The following AGBL4 variants were observed in gnomAD, a reference collection of about 807,000 sequenced individuals.
AGBL4 encodes AGBL carboxypeptidase 4.
In AGBL4, 58 loss-of-function variants were observed where a neutral mutation model predicts 66.4. The observed-to-expected ratio is 0.87, with a 90% CI of 0.71 to 1.09. The LOEUF (loss-of-function observed/expected upper bound fraction) is 1.09, where lower values mean the gene tolerates loss of function less well. Among genes scored for constraint, AGBL4 ranks in the 50% least tolerant of loss-of-function variants. AGBL4 has a pLI of 0.00. For missense variants in AGBL4, 579 were observed against 631.0 expected (o/e 0.92, Z 0.88); for synonymous variants, 234 against 222.9 (o/e 1.05, Z -0.44).
chr1:49,912,323 T>C (rs539502942), intron 1 of AGBL4, among the ~76,000 whole-genome samples: 2 of 152,302 alleles, frequency 1.3e-5, no homozygotes. Flanking sequence ...TCCACTGCAG[T>C]TGGGGAGCTA....
chr1:49,706,646 C>T (rs1052421689), intron 2 of AGBL4, among the ~76,000 whole-genome samples: 6 of 151,982 alleles, frequency 3.9e-5, no homozygotes, highest in East Asian at 1.9e-4. Context: ...GTTAGGGTGT[C>T]GATTTCAGAT....
intron 1 of AGBL4, among the ~76,000 whole-genome samples, chr1:49,978,876 C>T (rs777760839): frequency 3.3e-5 from 5 of 152,012 alleles, no homozygotes; most frequent in Non-Finnish European, 2.9e-5. Flanking sequence ...CACATGTGAG[C>T]CATTAGAAAG....
At chr1:49,509,684 A>C (rs892414761) in intron 3 of AGBL4, among the ~76,000 whole-genome samples, 1 of 152,018 alleles carries the variant, frequency 6.6e-6, no homozygotes, top group Non-Finnish European at 1.5e-5. Flanking sequence ...TTAAGAGCTT[A>C]GAATTCATAG....
chr1:48,791,859 C>CA (rs889349475), intron 6 of AGBL4, among the ~76,000 whole-genome samples: 19 of 152,180 alleles, frequency 1.2e-4, no homozygotes, highest in African/African-American at 4.6e-4. Context: ...GTCAATCATT[C>CA]AAAAAACATT....
intron 2 of AGBL4, among the ~76,000 whole-genome samples, chr1:49,736,454 A>C (rs531817825): frequency 6.6e-6 from 1 of 152,268 alleles, no homozygotes; most frequent in Admixed American, 6.5e-5. Context: ...AAATTCAAAA[A>C]TCCATGGAAA....
chr1:49,153,110 G>A (rs1646369335), intron 4 of AGBL4, among the ~76,000 whole-genome samples: 1 of 152,028 alleles, frequency 6.6e-6, no homozygotes, highest in African/African-American at 2.4e-5. Context: ...GATACCACCT[G>A]GATTCTCCAC....
intron 2 of AGBL4, among the ~76,000 whole-genome samples, chr1:49,828,136 AC>A (rs990617850): frequency 5.9e-5 from 9 of 152,174 alleles, no homozygotes; most frequent in African/African-American, 1.9e-4. Flanking sequence ...AAAAAAAAAA[AC>A]AACTCATTAC....
At chr1:49,022,822 G>T (rs1386920083) in intron 5 of AGBL4, among the ~76,000 whole-genome samples, 1 of 152,176 alleles carries the variant, frequency 6.6e-6, no homozygotes, top group African/African-American at 2.4e-5. Flanking sequence ...AATACCTACT[G>T]TGTACCAGCA....
At chr1:48,963,501 C>CT (rs1170684735) in intron 5 of AGBL4, among the ~76,000 whole-genome samples, 2,084 of 143,964 alleles carry the variant, frequency 0.014, 16 homozygotes, top group Middle Eastern at 0.058. Context: ...TAGAATTCAT[C>CT]TTTTTTTTTT....
intron 1 of AGBL4, among the ~76,000 whole-genome samples, chr1:49,941,054 T>C (rs899162442): frequency 1.3e-5 from 2 of 151,994 alleles, no homozygotes; most frequent in African/African-American, 4.8e-5. Context: ...AGCCAACAAA[T>C]TGGATAATGT....
At chr1:49,700,098 G>C (rs2124623818) in intron 2 of AGBL4, among the ~76,000 whole-genome samples, 1 of 151,534 alleles carries the variant, frequency 6.6e-6, no homozygotes, top group East Asian at 1.9e-4. Context: ...ATAAATGCAA[G>C]CTTTCCTTTT....
At chr1:49,237,512 T>TTTTATATATA (rs1650858245) in intron 4 of AGBL4, among the ~76,000 whole-genome samples, 3 of 2,298 alleles carry the variant, frequency 1.3e-3, no homozygotes, top group African/African-American at 2.7e-3. Context: ...CAATATTACA[T>TTTTATATATA]TATATATATA....
rs1464110213 is a variant in AGBL4, at chr1:50,023,818, G to T, written c.-22C>A. 6.5e-7 allele frequency: 1 copy of T among 1,548,106 alleles called. No individual in the cohort carries two copies. Among genetic ancestry groups the T allele is most frequent in the East Asian group, 2.5e-5 (1 of 40,246 alleles). On this transcript the variant is annotated 5_prime_UTR_variant, in exon 1 of 14. Transcript: ENST00000371839. Reference sequence around the variant, plus strand: ...CCATTTTTGTTGTCCCTCAGTCTCCGAGCTCACGCGAAGACCGCGGGGCAG... The same window carrying T: ...CCATTTTTGTTGTCCCTCAGTCTCCTAGCTCACGCGAAGACCGCGGGGCAG...
intron 5 of AGBL4, among the ~76,000 whole-genome samples, chr1:48,877,336 G>T (rs906954849): frequency 2.0e-5 from 3 of 151,976 alleles, no homozygotes; most frequent in Non-Finnish European, 4.4e-5. Context: ...TACCAAGAGG[G>T]CCTCGTTTTA....
chr1:49,661,123 A>G (rs1471411206), intron 3 of AGBL4, among the ~76,000 whole-genome samples: 1 of 152,182 alleles, frequency 6.6e-6, no homozygotes, highest in Non-Finnish European at 1.5e-5. Flanking sequence ...AAAAATTTGC[A>G]AAATATTTGA....
intron 6 of AGBL4, among the ~76,000 whole-genome samples, chr1:48,773,067 G>A (rs1014076409): frequency 7.2e-5 from 11 of 152,138 alleles, no homozygotes; most frequent in African/African-American, 2.7e-4. Flanking sequence ...TACCTGAGAT[G>A]CATAGGTGCA....
chr1:49,804,637 A>G (rs1644936817), intron 2 of AGBL4, among the ~76,000 whole-genome samples: 1 of 152,190 alleles, frequency 6.6e-6, no homozygotes. Context: ...TTATTAAGTG[A>G]TTCATAAAAC....
intron 4 of AGBL4, among the ~76,000 whole-genome samples, chr1:49,207,356 T>C (rs1335151972): frequency 6.6e-6 from 1 of 152,020 alleles, no homozygotes. Flanking sequence ...CTCCATTGAG[T>C]TGATGCTCCA....
At chr1:49,564,052 C>T (rs944413147) in intron 3 of AGBL4, among the ~76,000 whole-genome samples, 4 of 151,952 alleles carry the variant, frequency 2.6e-5, no homozygotes, top group Non-Finnish European at 5.9e-5. Flanking sequence ...GTGTATGTGT[C>T]GAGGAATTTA....
Sources: gnomAD v4.1 joint callset for allele counts (sites outside exome capture counted in the v4.1 genomes callset) on GRCh38, gnomAD v4.1.1 for gene constraint, MANE v1.5 for transcripts, NCBI Gene and HGNC (gene_info 2026-07-23, HGNC 2026-07-21) for gene names.